Variants in ARHGEF26 observed in about 807,000 individuals in gnomAD.
ARHGEF26 encodes Rho guanine nucleotide exchange factor 26.
Under a neutral mutation model 89.4 loss-of-function variants are expected in ARHGEF26, and 59 were observed. The ratio of observed to expected loss-of-function variants is 0.66; its 90% CI spans 0.54 to 0.82. ARHGEF26 has a LOEUF of 0.82. Ranked by LOEUF, ARHGEF26 falls within the 40% of genes least tolerant of loss-of-function variation. ARHGEF26 has a pLI of 0.00. For missense variants in ARHGEF26, 1,234 were observed against 1,085.6 expected, an observed-to-expected ratio of 1.14 and a Z score of -1.92; for synonymous variants, 500 against 428.4, an observed-to-expected ratio of 1.17 and a Z score of -2.06.
At chr3:154,209,974 T>A (rs1715265351) in intron 9 of ARHGEF26, among the ~76,000 whole-genome samples, 1 of 152,170 alleles carries the variant, frequency 6.6e-6, no homozygotes, top group Admixed American at 6.5e-5. Flanking sequence ...ATGCAGTTCC[T>A]CCCACTCTAA....
At chr3:154,220,648 T>C (rs950051021) in intron 10 of ARHGEF26, among the ~76,000 whole-genome samples, 1 of 152,096 alleles carries the variant, frequency 6.6e-6, no homozygotes, top group African/African-American at 2.4e-5. Context: ...CAGCCCTGTG[T>C]ACCAAGAGGA....
chr3:154,124,372 C>CTTTTTTTTTTTTTTTTTTCTTTT, intron 2 of ARHGEF26, 38 bp from the exon 3 acceptor site: 2 of 1,007,766 alleles, frequency 2.0e-6, no homozygotes, highest in Non-Finnish European at 2.7e-6. Flanking sequence ...TTTGCTTTTC[C>CTTTTTTTTTTTTTTTTTTCTTTT]TTTTTTTTTT....
chr3:154,225,640 A>G (rs940585038), intron 10 of ARHGEF26: 3 of 395,564 alleles, frequency 7.6e-6, no homozygotes, highest in African/African-American at 6.2e-5. Flanking sequence ...GGAAGTTAAT[A>G]GTTTTTTATA....
chr3:154,142,855 TC>T (rs1719462874), intron 4 of ARHGEF26, among the ~76,000 whole-genome samples: 1 of 152,180 alleles, frequency 6.6e-6, no homozygotes, highest in African/African-American at 2.4e-5. Context: ...GATTGGCCTG[TC>T]ATCACTCATT....
chr3:154,240,531 G>C lies in ARHGEF26; in HGVS notation c.2252G>C (p.Ser751Thr), dbSNP rs770620320. The C allele has an allele frequency of 2.5e-5, 40 of 1,612,946 alleles. No homozygotes were observed. Among genetic ancestry groups the C allele is most frequent in the Non-Finnish European group, 3.2e-5 (38 of 1,179,476 alleles). ...CACCTCTTTACTCTGACAGTCCTTA[G>C]TAACCACGCGAATGAGAAAGTGGAG... ...ASHLFTLTVL[S>T]NHANEKVEML... Residue 751 changes from serine (S) to threonine (T), a missense_variant, in exon 12 of 15, where the codon AGT (serine) becomes ACT (threonine). By Grantham distance (58) the Ser-to-Thr change is moderately conservative. Transcript: ENST00000465093.
At chr3:154,200,301 A>G (rs979600677) in intron 9 of ARHGEF26, among the ~76,000 whole-genome samples, 1 of 152,154 alleles carries the variant, frequency 6.6e-6, no homozygotes, top group Non-Finnish European at 1.5e-5. Context: ...TCTCAGCACC[A>G]TTTATTAAAG....
intron 9 of ARHGEF26, among the ~76,000 whole-genome samples, chr3:154,214,241 G>A (rs1715583594): frequency 1.3e-5 from 2 of 152,166 alleles, no homozygotes; most frequent in Admixed American, 6.5e-5. Context: ...AGGATTTCTA[G>A]TGGAGTTGTT....
intron 7 of ARHGEF26, among the ~76,000 whole-genome samples, chr3:154,188,840 G>T (rs1713760684): frequency 6.6e-6 from 1 of 152,024 alleles, no homozygotes; most frequent in Admixed American, 6.6e-5. Context: ...CATATAGCCA[G>T]GGTGGAAAAC....
At position 154,193,481 on chromosome 3, in the gene ARHGEF26, A is replaced by G. The variant is rs564663687; in HGVS notation, c.1771-1163A>G. Among the ~76,000 whole-genome samples, 75 of 152,310 alleles carry G rather than the reference A, an allele frequency of 4.9e-4. 1 individual carries two copies. The highest frequency in any genetic ancestry group is 4.2e-3 in the Admixed American group (65 of 15,298). On this transcript the variant is annotated intron_variant, in intron 8 of 14. Coordinates refer to ENST00000465093, the MANE Select transcript of ARHGEF26 (RefSeq NM_015595.4). ...GGTGCTTCTGTACATTTAAGGGACCAGTGACTTGCTAGTAGCCAACTACTT... is the reference window on the plus strand; with the variant it reads ...GGTGCTTCTGTACATTTAAGGGACCGGTGACTTGCTAGTAGCCAACTACTT...
At chr3:154,140,285 A>T (rs978636722) in intron 4 of ARHGEF26, among the ~76,000 whole-genome samples, 4 of 152,340 alleles carry the variant, frequency 2.6e-5, no homozygotes, top group Middle Eastern at 3.4e-3. Flanking sequence ...GGACAATGCC[A>T]CGAGGGTAAG....
rs1376341520 is a variant in ARHGEF26, at chr3:154,256,365, A to C, written c.*892A>C. 3 of 787,312 alleles carry C rather than the reference A, an allele frequency of 3.8e-6. No individual in the cohort carries two copies. The highest frequency in any genetic ancestry group is 2.6e-4 in the East Asian group (2 of 7,722). The allele number at this position is 787,312 out of a possible 1,614,324, so 48.8% of individuals were successfully genotyped here. Reference sequence around the variant, plus strand: ...AGCCTCCCAAGTAGCTGGGATTGTAAGAGTATGCCACCACGCCCAGCTACT... The same window carrying C: ...AGCCTCCCAAGTAGCTGGGATTGTACGAGTATGCCACCACGCCCAGCTACT... On this transcript the variant is annotated 3_prime_UTR_variant, in exon 15 of 15. Coordinates refer to ENST00000465093, the MANE Select transcript of ARHGEF26 (RefSeq NM_015595.4).
rs375704303 is a variant in ARHGEF26 at position 154,123,705 on chromosome 3, T to G, written c.1083+630T>G. 6.6e-5 allele frequency among the ~76,000 whole-genome samples: 10 copies of G among 152,348 alleles called. 1 individual carries two copies. The highest frequency in any genetic ancestry group is 2.0e-4 in the Admixed American group (3 of 15,304). On this transcript the variant is annotated intron_variant, in intron 2 of 14. Transcript: ENST00000465093. ...TTGGTTGTGTTTTATTCCCGTTGTA[T>G]GCCCATTCATCCTTGAGTGCATGTA...
At chr3:154,150,147 T>TC (rs1489379341) in intron 5 of ARHGEF26, among the ~76,000 whole-genome samples, 3 of 143,704 alleles carry the variant, frequency 2.1e-5, no homozygotes, top group Non-Finnish European at 4.6e-5. Context: ...CTTTTTTTTT[T>TC]TTTTGGTTGG....
At chr3:154,224,336 A>G (rs941214536) in intron 10 of ARHGEF26, among the ~76,000 whole-genome samples, 4 of 152,240 alleles carry the variant, frequency 2.6e-5, no homozygotes, top group African/African-American at 9.6e-5. Flanking sequence ...TTAGGTGTTT[A>G]TAGGTAGAAA....
Position 154,179,749 on chromosome 3 carries a change from G to A in ARHGEF26, c.1488-7936G>A, listed in dbSNP as rs557744803. 1.6e-4 allele frequency among the ~76,000 whole-genome samples: 24 copies of A among 152,290 alleles called. No individual in the cohort carries two copies. In the South Asian group the frequency reaches 1.7e-3, roughly 11 times the overall value. On this transcript the variant is annotated intron_variant, in intron 6 of 14. Coordinates refer to ENST00000465093, the MANE Select transcript of ARHGEF26 (RefSeq NM_015595.4). ...AGGGCCCATGAGTTACAAGGGACCC[G>A]TATGCAGATACTGGATGTTGGTTAC...
chr3:154,178,118 C>T lies in ARHGEF26; in HGVS notation c.1488-9567C>T, dbSNP rs533025065. Among the ~76,000 whole-genome samples, 571 of 152,112 alleles carry T rather than the reference C, an allele frequency of 3.8e-3. 5 individuals carry two copies. Among genetic ancestry groups the T allele is most frequent in the Admixed American group, 5.2e-3 (80 of 15,284 alleles). On this transcript the variant is annotated intron_variant, in intron 6 of 14. Transcript: ENST00000465093. ...ACTCGGGAGGCTGAGGCAAGAGAAT[C>T]GCTTGAACCCGGGAGGTGGAGGTTG...
intron 4 of ARHGEF26, among the ~76,000 whole-genome samples, chr3:154,141,063 G>T (rs992446787): frequency 1.3e-5 from 2 of 151,972 alleles, no homozygotes; most frequent in African/African-American, 4.8e-5. Context: ...CTGGGTTCAC[G>T]CAGTTCTCCT....
rs1158639200 is a variant in ARHGEF26 at position 154,216,481 on chromosome 3, T to TA, written c.1846-1388_1846-1387insA. 3.0e-3 allele frequency among the ~76,000 whole-genome samples: 84 copies of TA among 28,074 alleles called. 1 individual carries two copies. Among genetic ancestry groups the TA allele is most frequent in the African/African-American group, 0.014 (82 of 5,894 alleles). The allele number at this position is 28,074 out of a possible 152,430, so 18.4% of individuals were successfully genotyped here. On this transcript the variant is annotated intron_variant, in intron 9 of 14. Transcript: ENST00000465093. ...AAGACTTCCCTCTTCAGCACTTGTT[T>TA]TTTTTTTTTTATTTTTTTTTATTTT...
Position 154,191,331 on chromosome 3 carries a change from G to A in ARHGEF26, c.1683G>A (p.Glu561=), listed in dbSNP as rs537286871. The A allele has an allele frequency of 1.9e-6, 3 of 1,613,442 alleles. No homozygotes were observed. The highest frequency in any genetic ancestry group is 1.3e-5 in the African/African-American group (1 of 75,018). The part of the protein sequence containing the change: ...PSFKEVLSRI[E]SHEDCRNLPM... ...TTAAGGAAGTATTGTCAAGGATTGA[G>A]TCCCATGAAGACTGTAGGAACTTAC... is the stretch of plus-strand genomic sequence containing the variant. The change falls in exon 8 of 15, where the codon GAG becomes GAA. Residue 561 remains glutamate, a synonymous_variant. Transcript: ENST00000465093.
Sources: allele counts gnomAD v4.1 joint callset (sites outside exome capture counted in the v4.1 genomes callset), GRCh38; gene constraint gnomAD v4.1.1; transcripts MANE v1.5; gene names NCBI Gene and HGNC (gene_info 2026-07-23, HGNC 2026-07-21).